KCNIP4: variants seen among roughly 807,000 people sequenced by gnomAD.
The protein encoded by KCNIP4 is potassium voltage-gated channel interacting protein 4.
Under a neutral mutation model 34.0 loss-of-function variants are expected in KCNIP4, and 12 were observed. That is an observed-to-expected ratio of 0.35 (90% CI 0.23 to 0.57). KCNIP4 has a LOEUF of 0.57. Among genes scored for constraint, KCNIP4 ranks in the 20% least tolerant of loss-of-function variants. KCNIP4 has a pLI of 0.83. For missense variants in KCNIP4, 238 were observed against 311.7 expected, an observed-to-expected ratio of 0.76 and a Z score of 1.78; for synonymous variants, 124 against 102.2, an observed-to-expected ratio of 1.21 and a Z score of -1.29.
At chr4:21,781,224 G>A (rs1310500025) in intron 1 of KCNIP4, among the ~76,000 whole-genome samples, 1 of 152,064 alleles carries the variant, frequency 6.6e-6, no homozygotes, top group East Asian at 1.9e-4. Context: ...ATAAGCGTCT[G>A]GCATTTCCCC....
intron 1 of KCNIP4, among the ~76,000 whole-genome samples, chr4:21,355,664 C>A (rs1204032121): frequency 6.6e-6 from 1 of 152,038 alleles, no homozygotes; most frequent in Non-Finnish European, 1.5e-5. Flanking sequence ...CAATTAATAG[C>A]CTACCAACCA....
chr4:21,043,503 T>A (rs1270433808), intron 1 of KCNIP4, among the ~76,000 whole-genome samples: 1 of 151,724 alleles, frequency 6.6e-6, no homozygotes, highest in Non-Finnish European at 1.5e-5. Flanking sequence ...CTAATTTTTT[T>A]TTTTTTTGTA....
intron 1 of KCNIP4, among the ~76,000 whole-genome samples, chr4:21,304,825 C>T (rs985497482): frequency 1.3e-5 from 2 of 152,138 alleles, no homozygotes; most frequent in African/African-American, 4.8e-5. Flanking sequence ...ATCATATTTG[C>T]ATAGTATCTT....
At chr4:21,174,817 A>G (rs1754281882) in intron 1 of KCNIP4, among the ~76,000 whole-genome samples, 1 of 151,804 alleles carries the variant, frequency 6.6e-6, no homozygotes. Flanking sequence ...AGGCAGAAGA[A>G]TCACTTGAAC....
intron 1 of KCNIP4, among the ~76,000 whole-genome samples, chr4:20,933,063 T>C (rs1035874599): frequency 6.6e-6 from 1 of 151,856 alleles, no homozygotes; most frequent in Non-Finnish European, 1.5e-5. Flanking sequence ...CTGGCCAACA[T>C]AGAGAAACCT....
chr4:20,905,509 C>CTTTCTTTTTTTTTTTTTTTTT (rs71655610), intron 1 of KCNIP4, among the ~76,000 whole-genome samples: 4 of 72,804 alleles, frequency 5.5e-5, no homozygotes, highest in Non-Finnish European at 5.5e-5. Flanking sequence ...CGTTTTCTTT[C>CTTTCTTTTTTTTTTTTTTTTT]TTTTTTTTTT....
intron 3 of KCNIP4, among the ~76,000 whole-genome samples, chr4:20,797,557 G>T (rs1320949936): frequency 1.3e-5 from 2 of 152,206 alleles, no homozygotes; most frequent in African/African-American, 2.4e-5. Flanking sequence ...TTAAGACAGA[G>T]AATTTATCCA....
intron 1 of KCNIP4, among the ~76,000 whole-genome samples, chr4:21,037,899 C>T (rs918341273): frequency 6.6e-6 from 1 of 152,142 alleles, no homozygotes; most frequent in Non-Finnish European, 1.5e-5. Context: ...TAATGACTTC[C>T]ACTGTGTTTC....
At chr4:20,858,678 T>C (rs1477378708) in intron 2 of KCNIP4, among the ~76,000 whole-genome samples, 1 of 152,176 alleles carries the variant, frequency 6.6e-6, no homozygotes, top group East Asian at 1.9e-4. Context: ...TGAAGACAAG[T>C]GTCTCCAGCA....
At chr4:21,066,190 G>C (rs1251379402) in intron 1 of KCNIP4, among the ~76,000 whole-genome samples, 1 of 152,104 alleles carries the variant, frequency 6.6e-6, no homozygotes, top group East Asian at 1.9e-4. Context: ...GGGCAGCTCT[G>C]ATGGCTCCAA....
intron 1 of KCNIP4, among the ~76,000 whole-genome samples, chr4:20,951,109 T>C: frequency 6.6e-6 from 1 of 152,118 alleles, no homozygotes; most frequent in Non-Finnish European, 1.5e-5. Flanking sequence ...GCTCTCTCTC[T>C]CTCTGTCTCT....
At chr4:21,676,158 A>AGCT (rs1749878955) in intron 1 of KCNIP4, among the ~76,000 whole-genome samples, 1 of 152,166 alleles carries the variant, frequency 6.6e-6, no homozygotes, top group Non-Finnish European at 1.5e-5. Context: ...TGCCTTCACC[A>AGCT]GCTGTTTTTA....
chr4:21,221,300 G>T (rs1046203085), intron 1 of KCNIP4, among the ~76,000 whole-genome samples: 1 of 152,168 alleles, frequency 6.6e-6, no homozygotes, highest in Non-Finnish European at 1.5e-5. Flanking sequence ...GGAATGAAGT[G>T]AGAACATGTA....
chr4:21,072,860 A>G (rs1577642192), intron 1 of KCNIP4, among the ~76,000 whole-genome samples: 1 of 152,152 alleles, frequency 6.6e-6, no homozygotes, highest in Non-Finnish European at 1.5e-5. Context: ...AGTTTTCTCC[A>G]TATGGCTAGC....
At chr4:21,706,878 G>A (rs755232776) in intron 1 of KCNIP4, among the ~76,000 whole-genome samples, 4 of 151,990 alleles carry the variant, frequency 2.6e-5, no homozygotes, top group Non-Finnish European at 5.9e-5. Flanking sequence ...AGAGCCTTGC[G>A]GCAAAGTCAC....
intron 1 of KCNIP4, among the ~76,000 whole-genome samples, chr4:21,813,532 C>A (rs542756726): frequency 2.0e-5 from 3 of 152,130 alleles, no homozygotes; most frequent in Admixed American, 6.5e-5. Flanking sequence ...TGAAGTGTAA[C>A]ACAAGTAAAG....
intron 1 of KCNIP4, among the ~76,000 whole-genome samples, chr4:21,000,027 G>A (rs898355150): frequency 3.3e-5 from 5 of 152,172 alleles, no homozygotes; most frequent in African/African-American, 1.2e-4. Flanking sequence ...TGCCATGTGA[G>A]TGTTTGTTCA....
intron 1 of KCNIP4, among the ~76,000 whole-genome samples, chr4:21,216,106 G>T (rs1310606127): frequency 1.3e-5 from 2 of 152,130 alleles, no homozygotes; most frequent in Non-Finnish European, 2.9e-5. Context: ...TATTTTCACA[G>T]TTCAATGAAT....
intron 1 of KCNIP4, among the ~76,000 whole-genome samples, chr4:21,902,962 CA>C (rs1193125562): frequency 2.0e-5 from 3 of 152,140 alleles, no homozygotes; most frequent in Non-Finnish European, 4.4e-5. Flanking sequence ...TCCTAGGTAG[CA>C]GGAATTGGAG....
Sources: gnomAD v4.1 joint callset for allele counts (sites outside exome capture counted in the v4.1 genomes callset) on GRCh38, gnomAD v4.1.1 for gene constraint, MANE v1.5 for transcripts, NCBI Gene and HGNC (gene_info 2026-07-23, HGNC 2026-07-21) for gene names.